The following TEAD4 variants were observed in gnomAD, a reference collection of about 807,000 sequenced individuals.
TEAD4 encodes transcriptional enhancer factor TEF-3.
A neutral mutation model predicts 52.4 loss-of-function variants in TEAD4; 36 were observed. That is an observed-to-expected ratio of 0.69 (90% CI 0.53 to 0.91). The LOEUF is 0.91. Ranked by LOEUF, TEAD4 falls within the 40% of genes least tolerant of loss-of-function variation. TEAD4 has a pLI of 0.00. For synonymous variants in TEAD4, 220 were observed against 231.0 expected (o/e 0.95, Z 0.43); for missense variants, 508 against 583.9 (o/e 0.87, Z 1.34).
intron 10 of TEAD4, among the ~76,000 whole-genome samples, chr12:3,030,721 G>A (rs1213678879): frequency 6.6e-6 from 1 of 152,180 alleles, no homozygotes; most frequent in East Asian, 1.9e-4. Context: ...TTAGCCAGGT[G>A]TCCAGGATGA....
At chr12:3,013,608 G>GGTGC (rs2098262144) in intron 5 of TEAD4, among the ~76,000 whole-genome samples, 1 of 152,152 alleles carries the variant, frequency 6.6e-6, no homozygotes, top group Non-Finnish European at 1.5e-5. Flanking sequence ...GTGGCACACA[G>GGTGC]CTGTAATCCC....
rs1321453733 is a variant in TEAD4, at chr12:3,012,207, C to T, written c.329C>T (p.Ala110Val). The T allele has an allele frequency of 6.2e-7, 1 of 1,614,126 alleles. No individual in the cohort carries two copies. The highest frequency in any genetic ancestry group is 1.7e-5 in the Admixed American group (1 of 60,010). Residue 110 changes from alanine (A) to valine (V), a missense_variant, in exon 5 of 13, where the codon GCT becomes GTT. Ala to Val is a moderately conservative substitution (Grantham distance 64). Coordinates refer to ENST00000359864, the MANE Select transcript of TEAD4 (RefSeq NM_003213.4). ...ATCCAGGTGCTGGCTCGTCGCAAAG[C>T]TCGCGAGATCCAGGCCAAGCTAAAG...
intron 2 of TEAD4, among the ~76,000 whole-genome samples, chr12:2,985,121 A>G (rs2098237029): frequency 6.6e-6 from 1 of 152,092 alleles, no homozygotes; most frequent in Non-Finnish European, 1.5e-5. Flanking sequence ...CAAACACCTC[A>G]CGCCTGTAAT....
intron 10 of TEAD4, among the ~76,000 whole-genome samples, chr12:3,033,901 G>A (rs922118661): frequency 2.0e-5 from 3 of 146,732 alleles, no homozygotes; most frequent in African/African-American, 8.2e-5. Flanking sequence ...CAGGAGAAGG[G>A]GTGAGGCTGT....
In TEAD4 at chr12:3,020,648, G is replaced by T. The variant is rs763197038; in HGVS notation, c.598G>T (p.Ala200Ser). 4 of 1,582,944 alleles carry T rather than the reference G, an allele frequency of 2.5e-6. No homozygotes were observed. The highest frequency in any genetic ancestry group is 1.8e-5 in the Admixed American group (1 of 55,824). ...ACTTTGTGCAGGGTTTGAGTCTCCT[G>T]CAGGGCCCGCCCCATCGCCCTCTGC... Residue 200 changes from alanine to serine, a missense_variant, in exon 9 of 13, where the codon GCA becomes TCA. Physicochemically the swap from Ala to Ser is moderately conservative, Grantham distance 99 (BLOSUM62 1). Coordinates refer to ENST00000359864, the MANE Select transcript of TEAD4 (RefSeq NM_003213.4).
intron 3 of TEAD4, 31 bp downstream of exon 3, chr12:2,995,023 C>A (rs1174647427): frequency 6.3e-7 from 1 of 1,598,260 alleles, no homozygotes. Flanking sequence ...AGCCCTGTAC[C>A]TGAGGCTGAG....
intron 3 of TEAD4, among the ~76,000 whole-genome samples, chr12:3,009,670 C>T (rs2153956478): frequency 6.6e-6 from 1 of 152,330 alleles, no homozygotes; most frequent in East Asian, 1.9e-4. Flanking sequence ...ACTGGACCGC[C>T]AAAGCCTTTC....
At chr12:3,033,151 G>C (rs6489420) in intron 10 of TEAD4, among the ~76,000 whole-genome samples, 13,942 of 152,220 alleles carry the variant, frequency 0.092, 671 homozygotes, top group South Asian at 0.12. Context: ...CCCTTGGAGT[G>C]GGAGGAGGAC....
chr12:3,040,007 G>C (rs1565556264), intron 11 of TEAD4, 100 bp from the exon 12 acceptor site: 1 of 1,511,286 alleles, frequency 6.6e-7, no homozygotes, highest in Non-Finnish European at 9.0e-7. Flanking sequence ...CTTTTCTTAA[G>C]GGCCCCCAGG....
rs114846792 is a variant in TEAD4, at chr12:3,020,006, C to G, written c.584-628C>G. On this transcript the variant is annotated intron_variant, in intron 8 of 12. Transcript: ENST00000359864. ...GGCTCGCTGTCCCGTCTCACCTCCT[C>G]TCGTCACCCTGTCACTCACCAGAGC... Among the ~76,000 whole-genome samples, 540 of 152,364 alleles carry G rather than the reference C, an allele frequency of 3.5e-3. 4 individuals carry two copies. Among genetic ancestry groups the G allele is most frequent in the African/African-American group, 0.012 (516 of 41,588 alleles).
At chr12:2,981,764 G>A (rs988716124) in intron 2 of TEAD4, among the ~76,000 whole-genome samples, 2 of 152,190 alleles carry the variant, frequency 1.3e-5, no homozygotes, top group Non-Finnish European at 2.9e-5. Context: ...TCAGGAGATG[G>A]TGAGAAGCCC....
chr12:3,015,958 A>G (rs971489537), intron 5 of TEAD4, among the ~76,000 whole-genome samples: 2 of 152,172 alleles, frequency 1.3e-5, no homozygotes, highest in Admixed American at 6.5e-5. Flanking sequence ...GGAGGATCAC[A>G]TGAAGCCAGG....
At chr12:2,979,143 C>T (rs978155049) in intron 2 of TEAD4, among the ~76,000 whole-genome samples, 3 of 151,486 alleles carry the variant, frequency 2.0e-5, no homozygotes, top group Non-Finnish European at 2.9e-5. Context: ...CTCGAGCTCC[C>T]GACCTCAGGT....
At chr12:2,996,727 T>C (rs892507574) in intron 3 of TEAD4, among the ~76,000 whole-genome samples, 10 of 152,200 alleles carry the variant, frequency 6.6e-5, no homozygotes, top group African/African-American at 2.4e-4. Context: ...TCTTTTCTTT[T>C]GTTTTTGAGA....
rs575009423 is a variant in TEAD4, at chr12:2,999,684, C to G, written c.226+4692C>G. Among the ~76,000 whole-genome samples, 30 of 152,318 alleles carry G rather than the reference C, an allele frequency of 2.0e-4. No individual in the cohort carries two copies. The South Asian group carries it at 6.2e-3, about 32-fold the overall frequency. On this transcript the variant is annotated intron_variant, in intron 3 of 12. Coordinates refer to ENST00000359864, the MANE Select transcript of TEAD4 (RefSeq NM_003213.4). ...TGCCCTGTCACTGTGTGACCCTCCC[C>G]CTGGCACAGCCAACGCTGGCCACCC...
chr12:2,983,313 A>C (rs1474845025), intron 2 of TEAD4, among the ~76,000 whole-genome samples: 1 of 152,244 alleles, frequency 6.6e-6, no homozygotes, highest in South Asian at 2.1e-4. Context: ...ACATCTCACT[A>C]TGTCATCTCT....
intron 2 of TEAD4, among the ~76,000 whole-genome samples, chr12:2,991,664 C>T (rs901733324): frequency 6.6e-6 from 1 of 150,662 alleles, no homozygotes; most frequent in African/African-American, 2.4e-5. Flanking sequence ...TCCGTCCCCC[C>T]ACAAAAAAAA....
chr12:2,966,823 C>T lies in TEAD4; in HGVS notation c.-30+6783C>T, dbSNP rs573045984. Among the ~76,000 whole-genome samples the T allele has an allele frequency of 2.2e-3, 330 of 152,256 alleles. 4 individuals carry two copies. The highest frequency in any genetic ancestry group is 7.2e-3 in the African/African-American group (301 of 41,548). On this transcript the variant is annotated intron_variant, in intron 2 of 12. Transcript: ENST00000359864. ...CTGGGTTCAAGCGATTCTCCTGCCT[C>T]AGCTTCCTGAGTAGCTGGGATTACA...
intron 10 of TEAD4, among the ~76,000 whole-genome samples, chr12:3,029,233 ATTTTTT>A (rs71057880): frequency 0.21 from 23,116 of 109,592 alleles, 3,416 homozygotes; most frequent in African/African-American, 0.46. Context: ...CGCCTGGCCA[ATTTTTT>A]TTTTTTTTTT....
Sources: allele counts gnomAD v4.1 joint callset (sites outside exome capture counted in the v4.1 genomes callset), GRCh38; gene constraint gnomAD v4.1.1; transcripts MANE v1.5; gene names NCBI Gene and HGNC (gene_info 2026-07-23, HGNC 2026-07-21).